SAXO1: variants seen among roughly 807,000 people sequenced by gnomAD.
SAXO1 encodes stabilizer of axonemal microtubules 1.
SAXO1 carries 21 observed loss-of-function variants against 17.5 expected under a neutral mutation model. The observed-to-expected ratio is 1.20, with a 90% CI of 0.85 to 1.72. The LOEUF is 1.72. Among genes scored for constraint, SAXO1 ranks in the 40% most tolerant of loss-of-function variants. SAXO1 has a pLI of 0.00. For synonymous variants in SAXO1, 274 were observed against 216.5 expected, an observed-to-expected ratio of 1.27 and a Z score of -2.33; for missense variants, 843 against 596.0, an observed-to-expected ratio of 1.41 and a Z score of -4.32.
rs751564004 is a variant in SAXO1 at position 18,928,878 on chromosome 9, G to T, written c.599C>A (p.Pro200His). 6 of 1,614,038 alleles carry T rather than the reference G, an allele frequency of 3.7e-6. No individual in the cohort carries two copies. The African/African-American group carries it at 8.0e-5, about 22-fold the overall frequency. Residue 200 changes from proline (P) to histidine (H), a missense_variant, in exon 4 of 4, where the codon CCC becomes CAC. Coordinates refer to ENST00000380534, the MANE Select transcript of SAXO1 (RefSeq NM_153707.4). ...PLAMPKLCNIPLEDVTNYKMS... is the reference protein window; with the variant it reads ...PLAMPKLCNIHLEDVTNYKMS... ...CTTGTAGTTAGTCACATCCTCCAAG[G>T]GGATGTTACAGAGCTTTGGCATGGC...
At chr9:18,987,111 A>C (rs1833622987) in intron 1 of SAXO1, among the ~76,000 whole-genome samples, 1 of 152,238 alleles carries the variant, frequency 6.6e-6, no homozygotes, top group South Asian at 2.1e-4. Flanking sequence ...TAAACAAAAA[A>C]ACAGCAAAGT....
intron 3 of SAXO1, among the ~76,000 whole-genome samples, chr9:18,937,403 T>A (rs1358493318): frequency 3.9e-5 from 6 of 152,200 alleles, no homozygotes; most frequent in Admixed American, 3.9e-4. Flanking sequence ...TGTTGTGTCA[T>A]TCCCTGTGTT....
chr9:18,931,373 T>A (rs1479306058), intron 3 of SAXO1, among the ~76,000 whole-genome samples: 1 of 152,218 alleles, frequency 6.6e-6, no homozygotes, highest in Non-Finnish European at 1.5e-5. Flanking sequence ...TGTTGAATAA[T>A]ATTATATGAT....
At chr9:19,035,623 T>C (rs1298432692), upstream of SAXO1, among the ~76,000 whole-genome samples, 3 of 152,182 alleles carry the variant, frequency 2.0e-5, no homozygotes, top group Non-Finnish European at 4.4e-5. Flanking sequence ...GTGAGAAAAT[T>C]TGGAACTTCC....
chr9:18,997,458 G>T (rs1020732272), intron 1 of SAXO1, among the ~76,000 whole-genome samples: 1 of 152,252 alleles, frequency 6.6e-6, no homozygotes, highest in African/African-American at 2.4e-5. Flanking sequence ...AAAGAGGCAG[G>T]AAAGCTCAAA....
intron 1 of SAXO1, among the ~76,000 whole-genome samples, chr9:18,968,015 C>G (rs189858131): frequency 2.6e-5 from 4 of 152,200 alleles, no homozygotes; most frequent in African/African-American, 9.6e-5. Context: ...TCCCCAACCC[C>G]TTACGCTTCC....
intron 3 of SAXO1, among the ~76,000 whole-genome samples, chr9:18,931,532 G>C (rs1312745594): frequency 6.6e-6 from 1 of 152,198 alleles, no homozygotes. Flanking sequence ...ATAATAAAGT[G>C]AAATTGCTAG....
At chr9:18,955,365 A>G (rs1832215453) in intron 1 of SAXO1, among the ~76,000 whole-genome samples, 2 of 152,248 alleles carry the variant, frequency 1.3e-5, no homozygotes. Context: ...TTCAAAATCC[A>G]GTGTGTCTTG....
At position 18,950,255 on chromosome 9, in the gene SAXO1, A is replaced by T. The variant is rs1049844852; in HGVS notation, c.218+503T>A. On this transcript the variant is annotated intron_variant, in intron 2 of 3. Coordinates refer to ENST00000380534, the MANE Select transcript of SAXO1 (RefSeq NM_153707.4). ...AAACATTATTTGTTCATCTTTCTTGAAGAACATTCAGGAGAACCCCAATTC... is the reference window on the plus strand; with the variant it reads ...AAACATTATTTGTTCATCTTTCTTGTAGAACATTCAGGAGAACCCCAATTC... 3.3e-5 allele frequency among the ~76,000 whole-genome samples: 5 copies of T among 151,026 alleles called. No homozygotes were observed. In the South Asian group the frequency reaches 6.3e-4, roughly 19 times the overall value.
At chr9:18,935,895 G>C (rs577970124) in intron 3 of SAXO1, among the ~76,000 whole-genome samples, 1 of 152,170 alleles carries the variant, frequency 6.6e-6, no homozygotes, top group African/African-American at 2.4e-5. Context: ...AGCCTGCTCC[G>C]GCAGAGCCAC....
chr9:19,029,806 C>A (rs1835674412), intron 1 of SAXO1, among the ~76,000 whole-genome samples: 1 of 152,144 alleles, frequency 6.6e-6, no homozygotes. Context: ...AATGAAATTG[C>A]CACAGCTGGC....
intron 1 of SAXO1, among the ~76,000 whole-genome samples, chr9:18,996,422 T>G (rs139139286): frequency 8.5e-5 from 13 of 152,238 alleles, no homozygotes; most frequent in African/African-American, 3.1e-4. Flanking sequence ...GTATAACCTA[T>G]TGCTCCTAGG....
intron 1 of SAXO1, among the ~76,000 whole-genome samples, chr9:19,031,331 G>A (rs1219903346): frequency 1.3e-5 from 2 of 152,102 alleles, no homozygotes; most frequent in Admixed American, 6.5e-5. Context: ...GGAGGCCGAG[G>A]CAGGCGATCA....
At chr9:18,979,564 T>C (rs943126235) in intron 1 of SAXO1, among the ~76,000 whole-genome samples, 2 of 152,160 alleles carry the variant, frequency 1.3e-5, no homozygotes, top group African/African-American at 2.4e-5. Context: ...AGGCTGAAAG[T>C]CACACCAGGA....
Position 18,941,717 on chromosome 9 carries a change from A to G in SAXO1, c.341T>C (p.Val114Ala), listed in dbSNP as rs1831567512. The G allele has an allele frequency of 6.2e-7, 1 of 1,614,082 alleles. No individual in the cohort carries two copies. Among genetic ancestry groups the G allele is most frequent in the South Asian group, 1.1e-5 (1 of 91,090 alleles). ...AGGTTTGATGGGGTCCACTCGACAG[A>G]CAGGGTAGGGATTGTAATCTTTCTT... Reference protein sequence around the residue: ...TYKKDYNPYPVCRVDPIKPRD... With the variant: ...TYKKDYNPYPACRVDPIKPRD... Residue 114 changes from valine to alanine, a missense_variant, in exon 3 of 4, where the codon GTC becomes GCC. By Grantham distance (64) the Val-to-Ala change is moderately conservative (BLOSUM62 0). Transcript: ENST00000380534.
intron 1 of SAXO1, among the ~76,000 whole-genome samples, chr9:18,981,241 G>A (rs1833372163): frequency 6.6e-6 from 1 of 152,158 alleles, no homozygotes; most frequent in South Asian, 2.1e-4. Flanking sequence ...GGAAGAGAAA[G>A]CCCCTACCCA....
At chr9:18,937,544 C>T (rs181309515) in intron 3 of SAXO1, among the ~76,000 whole-genome samples, 87 of 152,224 alleles carry the variant, frequency 5.7e-4, no homozygotes, top group Admixed American at 2.4e-3. Context: ...CTGAATGTGC[C>T]CCAAAATTCA....
intron 1 of SAXO1, among the ~76,000 whole-genome samples, chr9:18,995,284 C>G (rs543630124): frequency 2.8e-4 from 42 of 152,324 alleles, no homozygotes; most frequent in African/African-American, 9.6e-4. Flanking sequence ...CGATCAGTAT[C>G]TATCTCTCTC....
chr9:19,026,827 A>G (rs1835494084), intron 1 of SAXO1: 28 of 552,080 alleles, frequency 5.1e-5, no homozygotes, highest in South Asian at 4.8e-4. Context: ...TCAGGAGTTC[A>G]AGACCAGCCT....
Sources: allele counts gnomAD v4.1 joint callset (sites outside exome capture counted in the v4.1 genomes callset), GRCh38; gene constraint gnomAD v4.1.1; transcripts MANE v1.5; gene names NCBI Gene and HGNC (gene_info 2026-07-23, HGNC 2026-07-21).